The following EXOC4 variants were observed in gnomAD, a reference collection of about 807,000 sequenced individuals.
EXOC4 encodes SEC8-like 1.
In EXOC4, 71 loss-of-function variants were observed where a neutral mutation model predicts 107.2. The observed-to-expected ratio is 0.66, with a 90% CI of 0.55 to 0.81. EXOC4 has a LOEUF of 0.81. EXOC4 is among the 30% of genes least tolerant of loss of function. EXOC4 has a pLI of 0.00. For missense variants in EXOC4, 1,108 were observed against 1,189.6 expected (o/e 0.93, Z 1.01); for synonymous variants, 456 against 441.2 (o/e 1.03, Z -0.42).
chr7:134,062,312 G>A lies in EXOC4; in HGVS notation c.2688-1979G>A, dbSNP rs111469469. Among the ~76,000 whole-genome samples, 1,187 of 152,296 alleles carry A rather than the reference G, an allele frequency of 7.8e-3. 4 individuals are homozygous for A. The highest frequency in any genetic ancestry group is 0.028 in the East Asian group (143 of 5,182). Reference sequence around the variant, plus strand: ...TTAGCAGGAGGAAAAGAAGCTAACCGTGTGAAAAGACACCACAACTCTTCC... The same window carrying A: ...TTAGCAGGAGGAAAAGAAGCTAACCATGTGAAAAGACACCACAACTCTTCC... On this transcript the variant is annotated intron_variant, in intron 17 of 17. Transcript: ENST00000253861.
At chr7:133,402,231 C>T (rs1325273828) in intron 7 of EXOC4, among the ~76,000 whole-genome samples, 1 of 152,154 alleles carries the variant, frequency 6.6e-6, no homozygotes, top group Non-Finnish European at 1.5e-5. Context: ...TTTTTGTTGG[C>T]TAATTGCCAT....
rs1798406605 is a variant in EXOC4, at chr7:133,857,175, TA to T, written c.1735-38423del. On this transcript the variant is annotated intron_variant, in intron 11 of 17. Coordinates refer to ENST00000253861, the MANE Select transcript of EXOC4 (RefSeq NM_021807.4). ...ATATATATATATATATATATATATATATATATATATATATATATATATATAT... is the reference window on the plus strand; with the variant it reads ...ATATATATATATATATATATATATATTATATATATATATATATATATATAT... 4.4e-4 allele frequency among the ~76,000 whole-genome samples: 8 copies of T among 18,266 alleles called. 1 individual carries two copies. Among genetic ancestry groups the T allele is most frequent in the Non-Finnish European group, 6.3e-4 (7 of 11,194 alleles). 12.0% of individuals were successfully genotyped at this position (18,266 alleles called of 152,430 possible).
chr7:133,972,540 A>G (rs2116882057), intron 14 of EXOC4, among the ~76,000 whole-genome samples: 1 of 152,370 alleles, frequency 6.6e-6, no homozygotes. Flanking sequence ...TGACATTATA[A>G]CAAACTTAAA....
chr7:134,055,156 G>C (rs1354433882), intron 17 of EXOC4, among the ~76,000 whole-genome samples: 1 of 152,184 alleles, frequency 6.6e-6, no homozygotes, highest in Non-Finnish European at 1.5e-5. Context: ...CTTCAGTCCT[G>C]TAAGAAGTAG....
intron 10 of EXOC4, among the ~76,000 whole-genome samples, chr7:133,659,802 T>C (rs1463583396): frequency 1.3e-5 from 2 of 152,196 alleles, no homozygotes; most frequent in Non-Finnish European, 2.9e-5. Flanking sequence ...TCCTCTTCTT[T>C]CCATTACATA....
intron 14 of EXOC4, among the ~76,000 whole-genome samples, chr7:133,980,337 G>A (rs1036527579): frequency 6.6e-6 from 1 of 152,210 alleles, no homozygotes; most frequent in Admixed American, 6.5e-5. Flanking sequence ...CTCACCAGGG[G>A]GTTCAATAAA....
intron 11 of EXOC4, among the ~76,000 whole-genome samples, chr7:133,856,787 T>C (rs534171446): frequency 1.3e-5 from 2 of 151,946 alleles, no homozygotes; most frequent in Non-Finnish European, 2.9e-5. Flanking sequence ...AAGCCATAAA[T>C]GCAATAGAGA....
At chr7:133,529,141 A>G (rs1005512255) in intron 9 of EXOC4, among the ~76,000 whole-genome samples, 5 of 152,100 alleles carry the variant, frequency 3.3e-5, no homozygotes, top group African/African-American at 9.7e-5. Context: ...TATTGGCCCC[A>G]TTGCCACTTT....
chr7:133,481,170 A>G (rs1034293979), intron 9 of EXOC4: 1 of 152,126 alleles, frequency 6.6e-6, no homozygotes, highest in African/African-American at 2.4e-5. Context: ...TTAAAGATCT[A>G]GTTATGAAAG....
chr7:133,306,155 C>T (rs1183846842), intron 4 of EXOC4, 94 bp downstream of exon 4: 2 of 1,113,576 alleles, frequency 1.8e-6, no homozygotes, highest in Non-Finnish European at 2.5e-6. Flanking sequence ...ATTTATTTTA[C>T]TTTTCCTTTA....
At chr7:133,633,743 A>G (rs1357215082) in intron 10 of EXOC4, among the ~76,000 whole-genome samples, 1 of 152,112 alleles carries the variant, frequency 6.6e-6, no homozygotes, top group African/African-American at 2.4e-5. Flanking sequence ...TTCTAGAGGA[A>G]CTTATCACAA....
At chr7:133,383,950 A>G (rs964145940) in intron 7 of EXOC4, among the ~76,000 whole-genome samples, 42 of 152,278 alleles carry the variant, frequency 2.8e-4, no homozygotes, top group Admixed American at 1.2e-3. Context: ...TATGCTGCCA[A>G]ATGAACAGAA....
intron 10 of EXOC4, among the ~76,000 whole-genome samples, chr7:133,755,252 AT>A (rs1795880889): frequency 3.0e-5 from 3 of 99,856 alleles, no homozygotes; most frequent in African/African-American, 9.1e-5. Flanking sequence ...TAATATATAT[AT>A]TATATATATA....
chr7:133,977,699 TTG>T (rs1311460890), intron 14 of EXOC4, among the ~76,000 whole-genome samples: 1 of 151,626 alleles, frequency 6.6e-6, no homozygotes, highest in Non-Finnish European at 1.5e-5. Flanking sequence ...TTGTTTGTTT[TTG>T]TGTGTGTGGT....
intron 10 of EXOC4, among the ~76,000 whole-genome samples, chr7:133,708,901 C>T (rs180961324): frequency 5.3e-5 from 8 of 152,322 alleles, no homozygotes; most frequent in Admixed American, 5.2e-4. Flanking sequence ...TGTCTCCTTC[C>T]ATGGTCACAC....
chr7:134,004,543 G>A (rs1794599239), intron 15 of EXOC4, among the ~76,000 whole-genome samples: 1 of 152,098 alleles, frequency 6.6e-6, no homozygotes, highest in South Asian at 2.1e-4. Flanking sequence ...TTCACAGTAT[G>A]CCTACAACCC....
At chr7:133,932,409 T>A (rs1800198876) in intron 13 of EXOC4, among the ~76,000 whole-genome samples, 1 of 152,216 alleles carries the variant, frequency 6.6e-6, no homozygotes, top group Non-Finnish European at 1.5e-5. Context: ...TTCTTATTTG[T>A]TCCCTGAGCT....
chr7:133,409,147 C>T (rs775300330), intron 7 of EXOC4, among the ~76,000 whole-genome samples: 1 of 152,158 alleles, frequency 6.6e-6, no homozygotes, highest in Admixed American at 6.5e-5. Flanking sequence ...GTACAGTAAC[C>T]AGCAAATTTG....
chr7:133,461,463 A>T (rs1033317945), intron 7 of EXOC4, among the ~76,000 whole-genome samples: 2 of 152,160 alleles, frequency 1.3e-5, no homozygotes, highest in South Asian at 4.1e-4. Flanking sequence ...ATATTTTTTT[A>T]TAAGTGTGAC....
Sources: gnomAD v4.1 joint callset for allele counts (sites outside exome capture counted in the v4.1 genomes callset) on GRCh38, gnomAD v4.1.1 for gene constraint, MANE v1.5 for transcripts, NCBI Gene and HGNC (gene_info 2026-07-23, HGNC 2026-07-21) for gene names.